Variants in PLXNA3 observed in about 807,000 individuals in gnomAD.
PLXNA3 encodes the protein plexin-A3.
A neutral mutation model predicts 118.8 loss-of-function variants in PLXNA3; 52 were observed. The observed-to-expected ratio is 0.44, with a 90% CI of 0.35 to 0.55. PLXNA3 has a LOEUF of 0.55. PLXNA3 is among the 20% of genes least tolerant of loss of function. The pLI is 0.01. For missense variants in PLXNA3, 1,660 were observed against 1,730.8 expected (o/e 0.96, Z 0.73); for synonymous variants, 925 against 762.4 (o/e 1.21, Z -3.51).
rs1309988898 is a variant in PLXNA3 at position 154,476,809 on chromosome X, G to C, written c.*4124G>C. Reference sequence around the variant, plus strand: ...AGCTGGGAAACAAGGTAAGCCATGCGACTGGCCCAGTGTCCTGTGTGGAGT... The same window carrying C: ...AGCTGGGAAACAAGGTAAGCCATGCCACTGGCCCAGTGTCCTGTGTGGAGT... On this transcript the variant is annotated 3_prime_UTR_variant, in exon 33 of 33. Coordinates refer to ENST00000369682, the MANE Select transcript of PLXNA3 (RefSeq NM_017514.5). 1 of 112,340 alleles carries C rather than the reference G, an allele frequency of 8.9e-6. No individual in the cohort carries two copies. The highest frequency in any genetic ancestry group is 3.2e-5 in the African/African-American group (1 of 30,939). The allele number at this position is 112,340 out of a possible 1,213,427, so 9.3% of individuals were successfully genotyped here.
At chrX:154,462,102 C>T (rs1557204865) in intron 3 of PLXNA3, 26 bp from the exon 4 acceptor site, 1 of 1,152,351 alleles carries the variant, frequency 8.7e-7, no homozygotes, top group South Asian at 2.0e-5. Context: ...CTTTGACTCT[C>T]ACGGGTTCCT....
chrX:154,477,701 C>CG lies in PLXNA3; in HGVS notation c.*5016_*5017insG, dbSNP rs2069245688. The CG allele has an allele frequency of 5.2e-5, 1 of 19,094 alleles. No homozygotes were observed. The highest frequency in any genetic ancestry group is 7.7e-5 in the African/African-American group (1 of 12,997). 1.6% of individuals were successfully genotyped at this position (19,094 alleles called of 1,213,427 possible). A position where few individuals can be genotyped will look rare whatever the true frequency, so the allele number is the denominator to read the frequency against. ...CTCCTTGAATATCTGAATTCTAGAA[C>CG]CCCCCCCCCAGCAACCCAAGCACAA... is the stretch of plus-strand genomic sequence containing the variant. On this transcript the variant is annotated 3_prime_UTR_variant, in exon 33 of 33. Coordinates refer to ENST00000369682, the MANE Select transcript of PLXNA3 (RefSeq NM_017514.5).
At position 154,464,195 on chromosome X, in the gene PLXNA3, G is replaced by C. The variant is rs782003321; in HGVS notation, c.1710G>C (p.Ala570=). 2 of 1,209,441 alleles carry C rather than the reference G, an allele frequency of 1.7e-6. No individual in the cohort carries two copies. Among genetic ancestry groups the C allele is most frequent in the African/African-American group, 1.7e-5 (1 of 58,010 alleles). Residue 570 remains alanine, a synonymous_variant, in exon 8 of 33, where the codon GCG becomes GCC. Transcript: ENST00000369682. ...VTLHNVPDLS[A]GVSCAFEAAA... is the part of the protein sequence containing the mutation. The stretch of plus-strand genomic sequence containing the variant: ...TGCACAACGTGCCAGACCTCAGTGC[G>C]GGCGTGAGCTGCGCCTTCGAGGCGG...
intron 30 of PLXNA3, 100 bp downstream of exon 30, chrX:154,470,711 G>A (rs1457539056): frequency 1.7e-5 from 14 of 835,668 alleles, no homozygotes; most frequent in Non-Finnish European, 2.4e-5. Context: ...TAGCATCCAG[G>A]CAGGAGGGAA....
Position 154,471,559 on chromosome X carries a change from C to A in PLXNA3, c.5441C>A (p.Ser1814Tyr), listed in dbSNP as rs1557209538. ...ATGGATGCCTACCTGGTGGAGCAGT[C>A]CCGCCTCCACGCCAGCGACTTCAGC... Reference protein sequence around the residue: ...QDMDAYLVEQSRLHASDFSVL... With the variant: ...QDMDAYLVEQYRLHASDFSVL... The change falls in exon 32 of 33, where the codon TCC becomes TAC. Residue 1814 changes from serine (S) to tyrosine (Y), a missense_variant. By Grantham distance (144) the Ser-to-Tyr change is moderately radical. Transcript: ENST00000369682. 1.7e-6 allele frequency: 2 copies of A among 1,208,607 alleles called. No individual in the cohort carries two copies.
chrX:154,467,640 A>G lies in PLXNA3; in HGVS notation c.3537A>G (p.Thr1179=), dbSNP rs1213795396. ...CGTGTTCGCTCACTGTCTCGGACAC[A>G]CAACTCCTGTGCGACTCACCCAGCC... ...GQPCSLTVSD[T]QLLCDSPSQT... Residue 1179 remains threonine, a synonymous_variant, in exon 20 of 33, where the codon ACA becomes ACG. Coordinates refer to ENST00000369682, the MANE Select transcript of PLXNA3 (RefSeq NM_017514.5). The G allele has an allele frequency of 1.7e-6, 2 of 1,208,501 alleles. No individual in the cohort carries two copies. The highest frequency in any genetic ancestry group is 3.5e-5 in the African/African-American group (2 of 57,187).
rs782192309 is a variant in PLXNA3, at chrX:154,468,583, C to T, written c.4220+24C>T. On this transcript the variant is annotated intron_variant, in intron 23 of 32. Coordinates refer to ENST00000369682, the MANE Select transcript of PLXNA3 (RefSeq NM_017514.5). ...AGGTACCTGCCTTGCTCTATCCAGG[C>T]CACACCTTTGTCCTGCCTGGGCCTG... 8 of 1,206,822 alleles carry T rather than the reference C, an allele frequency of 6.6e-6. No individual in the cohort carries two copies. In the East Asian group the frequency reaches 2.4e-4, roughly 36 times the overall value.
chrX:154,465,395 C>T (rs375132166), intron 11 of PLXNA3, 29 bp from the exon 12 acceptor site: 4 of 1,141,680 alleles, frequency 3.5e-6, no homozygotes, highest in Admixed American at 4.4e-5. Context: ...CACATCTTAT[C>T]TGGGGTCCCA....
rs1191991136 is a variant in PLXNA3 at position 154,477,520 on chromosome X, TATGTG to T, written c.*4836_*4840del. On this transcript the variant is annotated 3_prime_UTR_variant, in exon 33 of 33. Coordinates refer to ENST00000369682, the MANE Select transcript of PLXNA3 (RefSeq NM_017514.5). ...AATTTAACACTAAACTTGCAAATAT[TATGTG>T]GTGTATATTACAGTTACACATTTAC... The T allele has an allele frequency of 1.7e-5, 2 of 118,299 alleles. No homozygotes were observed. The highest frequency in any genetic ancestry group is 6.4e-5 in the African/African-American group (2 of 31,068). 9.7% of individuals were successfully genotyped at this position (118,299 alleles called of 1,213,427 possible).
rs1557207964 is a variant in PLXNA3, at chrX:154,467,967, C to G, written c.3786C>G (p.Asn1262Lys). 3 of 1,210,521 alleles carry G rather than the reference C, an allele frequency of 2.5e-6. No homozygotes were observed. The change falls in exon 21 of 33, where the codon AAC (asparagine) becomes AAG (lysine). Residue 1262 changes from asparagine (N) to lysine (K), a missense_variant. Physicochemically the swap from Asn to Lys is moderately conservative, Grantham distance 94. This residue lies in a region of PLXNA3 where 869 missense variants were observed against 1,078.7 expected (regional missense o/e 0.81). Coordinates refer to ENST00000369682, the MANE Select transcript of PLXNA3 (RefSeq NM_017514.5). ...AGCGTCTGCAGCTGCAGATGGACAA[C>G]CTGGAGTCCCGTGTGGCCCTGGAGT... ...TLKRLQLQMD[N>K]LESRVALECK...
chrX:154,472,480 G>C (rs916083233), intron 32 of PLXNA3, 110 bp from the exon 33 acceptor site: 1 of 534,426 alleles, frequency 1.9e-6, no homozygotes, highest in African/African-American at 2.3e-5. Context: ...GGGGGAGGAC[G>C]GAGGGATGAG....
At position 154,460,354 on chromosome X, in the gene PLXNA3, C is replaced by G. The variant is rs782611453; in HGVS notation, c.171C>G (p.Ala57=). ...VGAVNRVFKL[A]PNLTELRAHV... ...CAGTGAACCGAGTCTTTAAGCTGGC[C>G]CCCAACCTGACTGAGCTGCGGGCCC... Residue 57 remains alanine, a synonymous_variant, in exon 2 of 33, where the codon GCC becomes GCG. Coordinates refer to ENST00000369682, the MANE Select transcript of PLXNA3 (RefSeq NM_017514.5). 2 of 1,210,974 alleles carry G rather than the reference C, an allele frequency of 1.7e-6. No individual in the cohort carries two copies. Among genetic ancestry groups the G allele is most frequent in the Admixed American group, 4.3e-5 (2 of 46,083 alleles).
At position 154,475,343 on chromosome X, in the gene PLXNA3, C is replaced by A. The variant is rs1219153765; in HGVS notation, c.*2658C>A. 3 of 111,551 alleles carry A rather than the reference C, an allele frequency of 2.7e-5. No individual in the cohort carries two copies. The allele number at this position is 111,551 out of a possible 1,213,427, so 9.2% of individuals were successfully genotyped here. ...CTCGAGCTCCCGACCTCAGGTGATC[C>A]GCCCGCCTCAGCCTCCCAAAGTGCT... On this transcript the variant is annotated 3_prime_UTR_variant, in exon 33 of 33. Transcript: ENST00000369682.
intron 30 of PLXNA3, 139 bp downstream of exon 30, chrX:154,470,750 G>A (rs781917527): frequency 6.7e-6 from 4 of 593,074 alleles, no homozygotes; most frequent in South Asian, 5.7e-5. Context: ...TGACACTGAC[G>A]GTGCCATCAA....
Position 154,468,018 on chromosome X carries a change from G to A in PLXNA3, c.3820+17G>A, listed in dbSNP as rs367991648. ...GCAAGGAAGGTGCCTGAGGCGGGGC[G>A]GGATGTGGTGTGGAAGCTGGGGACC... On this transcript the variant is annotated intron_variant, in intron 21 of 32. Coordinates refer to ENST00000369682, the MANE Select transcript of PLXNA3 (RefSeq NM_017514.5). 18 of 1,198,366 alleles carry A rather than the reference G, an allele frequency of 1.5e-5. No homozygotes were observed. The highest frequency in any genetic ancestry group is 2.3e-4 in the Middle Eastern group (1 of 4,339).
At chrX:154,460,126 C>A in intron 1 of PLXNA3, 31 bp from the exon 2 acceptor site, 1 of 824,313 alleles carries the variant, frequency 1.2e-6, no homozygotes, top group Non-Finnish European at 1.8e-6. Context: ...TGGCTCGAGG[C>A]CTCTGACTCC....
At chrX:154,466,573 G>C (rs782351726) in intron 16 of PLXNA3, 50 bp from the exon 17 acceptor site, 149 of 1,188,533 alleles carry the variant, frequency 1.3e-4, no homozygotes, top group Non-Finnish European at 1.5e-4. Context: ...GGGGACGGGT[G>C]GCTGAGGGCC....
Position 154,468,300 on chromosome X carries a change from C to T in PLXNA3, c.3964-3C>T. ...ACCCTCTGAGACCTCCTGCTCCCCA[C>T]AGACGCCACCCAACGTGGAGAAGGC... On this transcript the variant is annotated splice_region_variant and splice_polypyrimidine_tract_variant and intron_variant, in intron 22 of 32. Coordinates refer to ENST00000369682, the MANE Select transcript of PLXNA3 (RefSeq NM_017514.5). The T allele has an allele frequency of 3.3e-6, 4 of 1,201,223 alleles. No individual in the cohort carries two copies. The highest frequency in any genetic ancestry group is 4.5e-6 in the Non-Finnish European group (4 of 889,246).
chrX:154,472,891 C>T lies in PLXNA3; in HGVS notation c.*206C>T, dbSNP rs1234882745. ...CCCTGCAGGGGGAGGGGTGACAGGG[C>T]GAGCCCCCACCCCAGCAGCAGCAAT... On this transcript the variant is annotated 3_prime_UTR_variant, in exon 33 of 33. Coordinates refer to ENST00000369682, the MANE Select transcript of PLXNA3 (RefSeq NM_017514.5). 5 of 393,688 alleles carry T rather than the reference C, an allele frequency of 1.3e-5. No individual in the cohort carries two copies. The highest frequency in any genetic ancestry group is 2.3e-5 in the Non-Finnish European group (5 of 220,903). 32.4% of individuals were successfully genotyped at this position (393,688 alleles called of 1,213,427 possible). A position where few individuals can be genotyped will look rare whatever the true frequency, so the allele number is the denominator to read the frequency against.
Sources: gnomAD v4.1 joint callset for allele counts on GRCh38, gnomAD v4.1.1 for gene constraint, gnomAD v4.1.1 regional missense constraint, MANE v1.5 for transcripts, NCBI Gene and HGNC (gene_info 2026-07-23, HGNC 2026-07-21) for gene names.